C12orf42: variants seen among roughly 807,000 people sequenced by gnomAD.
C12orf42 encodes chromosome 12 open reading frame 42.
In C12orf42, 25 loss-of-function variants were observed where a neutral mutation model predicts 21.6. The ratio of observed to expected loss-of-function variants is 1.16; its 90% CI spans 0.84 to 1.62. The LOEUF (loss-of-function observed/expected upper bound fraction) is 1.62. C12orf42 is among the 40% of genes most tolerant of loss of function. The pLI is 0.00. For missense variants in C12orf42, 483 were observed against 459.3 expected, an observed-to-expected ratio of 1.05 and a Z score of -0.47; for synonymous variants, 174 against 175.0, an observed-to-expected ratio of 0.99 and a Z score of 0.05.
intron 4 of C12orf42, among the ~76,000 whole-genome samples, chr12:103,296,099 C>T (rs147107372): frequency 0.04 from 6,003 of 148,560 alleles, 396 homozygotes; most frequent in African/African-American, 0.14. Context: ...CACCTATGAG[C>T]GAGAACAGGC....
chr12:103,212,586 C>T, the C12orf42 span, among the ~76,000 whole-genome samples: 1 of 152,092 alleles, frequency 6.6e-6, no homozygotes, highest in Non-Finnish European at 1.5e-5. Flanking sequence ...GTATATCCAT[C>T]AGCAGGCACA....
intron 10 of C12orf42, among the ~76,000 whole-genome samples, chr12:103,259,212 A>G (rs1440445125): frequency 6.6e-6 from 1 of 152,218 alleles, no homozygotes; most frequent in Non-Finnish European, 1.5e-5. Context: ...AGATTTCACT[A>G]CATTAAGACT....
chr12:103,125,065 G>A, the C12orf42 span, among the ~76,000 whole-genome samples: 1 of 152,094 alleles, frequency 6.6e-6, no homozygotes, highest in Non-Finnish European at 1.5e-5. Flanking sequence ...TCATTTGAGA[G>A]GCTCAAGAAA....
At chr12:103,385,210 T>G (rs1593739194) in intron 3 of C12orf42, among the ~76,000 whole-genome samples, 1 of 152,306 alleles carries the variant, frequency 6.6e-6, no homozygotes, top group South Asian at 2.1e-4. Flanking sequence ...GAAACACTAT[T>G]GCTGAAAAAA....
At chr12:103,505,472 C>A in the C12orf42 span, 1 of 380,732 alleles carries the variant, frequency 2.6e-6, no homozygotes, top group Non-Finnish European at 4.9e-6. Flanking sequence ...TCTGGGTGCT[C>A]TGAGTCATGG....
At chr12:103,162,814 G>A in the C12orf42 span, 1 of 152,160 alleles carries the variant, frequency 6.6e-6, no homozygotes, top group Non-Finnish European at 1.5e-5. Flanking sequence ...GAATCAGCCT[G>A]CAGGCAACCC....
At chr12:103,493,192 T>C (rs1232394407) in intron 1 of C12orf42, among the ~76,000 whole-genome samples, 1 of 152,200 alleles carries the variant, frequency 6.6e-6, no homozygotes, top group Non-Finnish European at 1.5e-5. Context: ...CTTCAGTAGC[T>C]TCCTATTTCT....
intron 2 of C12orf42, among the ~76,000 whole-genome samples, chr12:103,454,322 A>C (rs192814124): frequency 1.3e-5 from 2 of 152,122 alleles, no homozygotes; most frequent in East Asian, 3.9e-4. Context: ...TGAAAACCTC[A>C]TTTCAGAATT....
chr12:103,217,469 C>T, the C12orf42 span, among the ~76,000 whole-genome samples: 755 of 149,488 alleles, frequency 5.1e-3, 10 homozygotes, highest in African/African-American at 0.018. Flanking sequence ...GTCGAGGCTG[C>T]AGTGGGCCAT....
chr12:103,401,536 C>T, intron 3 of C12orf42, 71 bp downstream of exon 3: 1 of 1,260,070 alleles, frequency 7.9e-7, no homozygotes, highest in Non-Finnish European at 1.1e-6. Context: ...AATCTGCTTA[C>T]ATGTAAAGCA....
At chr12:103,485,569 G>A (rs962094180) in intron 1 of C12orf42, among the ~76,000 whole-genome samples, 1 of 152,130 alleles carries the variant, frequency 6.6e-6, no homozygotes, top group Non-Finnish European at 1.5e-5. Context: ...GGGCAGTATG[G>A]CCATTTTCAT....
At chr12:103,053,408 ATGTC>A in the C12orf42 span, among the ~76,000 whole-genome samples, 1 of 151,972 alleles carries the variant, frequency 6.6e-6, no homozygotes, top group Non-Finnish European at 1.5e-5. Context: ...TATAAATAAA[ATGTC>A]TGTTCATATC....
At chr12:103,330,201 A>G (rs971277918) in intron 4 of C12orf42, among the ~76,000 whole-genome samples, 1 of 152,240 alleles carries the variant, frequency 6.6e-6, no homozygotes, top group African/African-American at 2.4e-5. Context: ...GGATTATATC[A>G]GTTACTTTTA....
In C12orf42 at chr12:103,302,423, T is replaced by A. The variant is rs1487299746; in HGVS notation, c.768A>T (p.Ala256=). The A allele has an allele frequency of 1.2e-6, 2 of 1,613,892 alleles. No homozygotes were observed. The highest frequency in any genetic ancestry group is 1.7e-6 in the Non-Finnish European group (2 of 1,179,860). The change falls in exon 6 of 6, where the codon GCA becomes GCT. Residue 256 remains alanine, a synonymous_variant. Coordinates refer to ENST00000548883, the MANE Select transcript of C12orf42 (RefSeq NM_198521.5). ...GTCTGCTTTGGATGTCGTCGGGGTG[T>A]GCCTGAGCGCCTGCTGGGACTGCCA... The part of the protein sequence containing the change: ...ERMAVPAGAQ[A]HPDDIQSRLL...
At chr12:103,190,372 C>T in the C12orf42 span, among the ~76,000 whole-genome samples, 1 of 144,720 alleles carries the variant, frequency 6.9e-6, no homozygotes, top group Non-Finnish European at 1.6e-5. Flanking sequence ...GCCTTCCTCT[C>T]CCAGCCCACT....
At chr12:103,051,055 C>T in the C12orf42 span, among the ~76,000 whole-genome samples, 1 of 152,020 alleles carries the variant, frequency 6.6e-6, no homozygotes, top group Admixed American at 6.6e-5. Flanking sequence ...GAACAATTTT[C>T]TGGAAAGAAG....
intron 2 of C12orf42, among the ~76,000 whole-genome samples, chr12:103,403,791 C>A (rs1175173520): frequency 1.3e-5 from 2 of 152,210 alleles, no homozygotes; most frequent in Non-Finnish European, 2.9e-5. Flanking sequence ...TACATTCACA[C>A]ATCCGGTGTC....
the C12orf42 span, among the ~76,000 whole-genome samples, chr12:103,057,575 C>A: frequency 6.6e-6 from 1 of 152,074 alleles, no homozygotes; most frequent in East Asian, 1.9e-4. Flanking sequence ...TGTATATTTG[C>A]CACATTTTCT....
intron 4 of C12orf42, among the ~76,000 whole-genome samples, chr12:103,368,468 G>GA (rs1297365025): frequency 6.6e-6 from 1 of 151,968 alleles, no homozygotes; most frequent in East Asian, 1.9e-4. Context: ...GTGAACATAA[G>GA]ACCAAAGTCT....
Sources: allele counts gnomAD v4.1 joint callset (sites outside exome capture counted in the v4.1 genomes callset), GRCh38; gene constraint gnomAD v4.1.1; transcripts MANE v1.5; gene names NCBI Gene and HGNC (gene_info 2026-07-23, HGNC 2026-07-21).